HYAL2: variants seen among roughly 807,000 people sequenced by gnomAD.
HYAL2 encodes hyaluronidase 2.
HYAL2 carries 30 observed loss-of-function variants against 35.4 expected under a neutral mutation model. The ratio of observed to expected loss-of-function variants is 0.85; its 90% CI spans 0.63 to 1.15. HYAL2 has a LOEUF of 1.15. Among genes scored for constraint, HYAL2 ranks in the 50% most tolerant of loss-of-function variants. The pLI, the probability that HYAL2 is intolerant of heterozygous loss-of-function variation, is 0.00. For missense variants in HYAL2, 635 were observed against 646.5 expected, an observed-to-expected ratio of 0.98 and a Z score of 0.19; for synonymous variants, 262 against 252.8, an observed-to-expected ratio of 1.04 and a Z score of -0.34.
At chr3:50,321,928 T>C (rs1477358378) in intron 1 of HYAL2, 1 of 152,032 alleles carries the variant, frequency 6.6e-6, no homozygotes, top group Non-Finnish European at 1.5e-5. Flanking sequence ...CCCCCTAACG[T>C]AGACGCCAGC....
At position 50,319,697 on chromosome 3, in the gene HYAL2, G is replaced by A. The variant is rs1553716188; in HGVS notation, c.793C>T (p.Arg265Cys). The A allele has an allele frequency of 8.7e-6, 14 of 1,613,904 alleles. No homozygotes were observed. Among genetic ancestry groups the A allele is most frequent in the African/African-American group, 1.3e-5 (1 of 75,040 alleles). Reference sequence around the variant, plus strand: ...TGAACACGGAAGCTCACAAAGTTGCGGCCATGGCGGGAGGAAGCAAGTGTC... The same window carrying A: ...TGAACACGGAAGCTCACAAAGTTGCAGCCATGGCGGGAGGAAGCAAGTGTC... Reference protein sequence around the residue: ...DETLASSRHGRNFVSFRVQEA... With the variant: ...DETLASSRHGCNFVSFRVQEA... Residue 265 changes from arginine to cysteine, a missense_variant, in exon 2 of 4, where the codon CGC becomes TGC. Arg to Cys is a radical substitution (Grantham distance 180). Coordinates refer to ENST00000357750, the MANE Select transcript of HYAL2 (RefSeq NM_003773.5).
intron 2 of HYAL2, 58 bp downstream of exon 2, chr3:50,319,511 A>C: frequency 6.7e-7 from 1 of 1,482,258 alleles, no homozygotes; most frequent in Non-Finnish European, 9.1e-7. Context: ...CTGATAACCC[A>C]AATGTGCAGT....
In HYAL2 at chr3:50,319,448, T is replaced by C. The variant is rs141435914; in HGVS notation, c.921+121A>G. On this transcript the variant is annotated intron_variant, in intron 2 of 3. Coordinates refer to ENST00000357750, the MANE Select transcript of HYAL2 (RefSeq NM_003773.5). Reference sequence around the variant, plus strand: ...CCTTTCAGGTTATAGACAGAATGATTTGAGGGGATGTGGAGCAGCCAATAA... The same window carrying C: ...CCTTTCAGGTTATAGACAGAATGATCTGAGGGGATGTGGAGCAGCCAATAA... 1,329 of 821,108 alleles carry C rather than the reference T, an allele frequency of 1.6e-3. 11 individuals carry two copies. The African/African-American group carries it at 0.018, about 11-fold the overall frequency. 50.9% of individuals were successfully genotyped at this position (821,108 alleles called of 1,614,324 possible).
chr3:50,319,628 G>A lies in HYAL2; in HGVS notation c.862C>T (p.Leu288Phe), dbSNP rs2109324160. ...GGTCGTGTGAAGACGTAGACTGGGA[G>A]TGCATGGTTGGCATGGTGGGTGCGA... The part of the protein sequence containing the change: ...VARTHHANHA[L>F]PVYVFTRPTY... The change falls in exon 2 of 4, where the codon CTC (leucine) becomes TTC (phenylalanine). Residue 288 changes from leucine (L) to phenylalanine (F), a missense_variant. Coordinates refer to ENST00000357750, the MANE Select transcript of HYAL2 (RefSeq NM_003773.5). The A allele has an allele frequency of 4.3e-6, 7 of 1,613,830 alleles. No individual in the cohort carries two copies. The highest frequency in any genetic ancestry group is 5.9e-6 in the Non-Finnish European group (7 of 1,180,016).
rs1385941820 is a variant in HYAL2, at chr3:50,319,953, A to G, written c.537T>C (p.Phe179=). Residue 179 remains phenylalanine (F), a synonymous_variant, in exon 2 of 4, where the codon TTT becomes TTC. Transcript: ENST00000357750. ...DRIVKQAQYE[F]EFAAQQFMLE... ...GCATGAACTGCTGTGCTGCGAACTC[A>G]AACTCATATTGTGCCTGTTTGACTA... 5 of 1,613,474 alleles carry G rather than the reference A, an allele frequency of 3.1e-6. No homozygotes were observed. Among genetic ancestry groups the G allele is most frequent in the African/African-American group, 2.7e-5 (2 of 74,942 alleles).
intron 1 of HYAL2, chr3:50,321,847 C>T (rs1163632517): frequency 6.6e-6 from 1 of 151,814 alleles, no homozygotes; most frequent in Non-Finnish European, 1.5e-5. Context: ...GAGGCGTTGC[C>T]CCGTTCGGCC....
In HYAL2 at chr3:50,317,967, C is replaced by T; in HGVS notation, c.*162G>A. On this transcript the variant is annotated 3_prime_UTR_variant, in exon 4 of 4. Transcript: ENST00000357750. ...GGGCCTCCCAGGGACTTCCCCTCCC[C>T]CTTAGAACAGGGGGGTGCGAGCTGG... 2 of 712,798 alleles carry T rather than the reference C, an allele frequency of 2.8e-6. No homozygotes were observed. The highest frequency in any genetic ancestry group is 4.6e-6 in the Non-Finnish European group (2 of 435,926). The allele number at this position is 712,798 out of a possible 1,614,324, so 44.2% of individuals were successfully genotyped here. A position where few individuals can be genotyped will look rare whatever the true frequency, so the allele number is the denominator to read the frequency against.
chr3:50,319,322 T>C (rs1312290831), intron 2 of HYAL2, among the ~76,000 whole-genome samples: 1 of 152,200 alleles, frequency 6.6e-6, no homozygotes, highest in African/African-American at 2.4e-5. Flanking sequence ...TGGGCCCCAG[T>C]CCCAGCTCTG....
At chr3:50,319,224 AC>A (rs1218148198) in intron 2 of HYAL2, among the ~76,000 whole-genome samples, 179 bp from the exon 3 acceptor site, 1 of 151,710 alleles carries the variant, frequency 6.6e-6, no homozygotes, top group Non-Finnish European at 1.5e-5. Context: ...GTCCATTTCC[AC>A]CCCACTTTTG....
At position 50,322,077 on chromosome 3, in the gene HYAL2, A is replaced by G. The variant is rs1172570778; in HGVS notation, c.-47+576T>C. The G allele has an allele frequency of 6.6e-6, 1 of 152,142 alleles. No individual in the cohort carries two copies. Among genetic ancestry groups the G allele is most frequent in the African/African-American group, 2.4e-5 (1 of 41,436 alleles). 9.4% of individuals were successfully genotyped at this position (152,142 alleles called of 1,614,324 possible). On this transcript the variant is annotated intron_variant, in intron 1 of 3. Coordinates refer to ENST00000357750, the MANE Select transcript of HYAL2 (RefSeq NM_003773.5). The surrounding 1 kb of genome is among the most constrained non-coding windows in gnomAD (Gnocchi z 5.5). ...CTAAAGGGAGGCCCCGCCCCCTGCC[A>G]GACTGAGGGAAGGGGCCAAGCACCG...
Position 50,318,694 on chromosome 3 carries a change from T to G in HYAL2, c.1012-155A>C. 1.3e-6 allele frequency: 1 copy of G among 793,386 alleles called. No homozygotes were observed. The highest frequency in any genetic ancestry group is 1.7e-5 in the African/African-American group (1 of 57,648). The allele number at this position is 793,386 out of a possible 1,614,324, so 49.1% of individuals were successfully genotyped here. ...ACCTGAGCCACACAGTCCCTGCTCC[T>G]GCTGAGAAGTGGGTGGGGGTACAGA... On this transcript the variant is annotated intron_variant, in intron 3 of 3. Transcript: ENST00000357750. The surrounding 1 kb of genome is among the most constrained non-coding windows in gnomAD (Gnocchi z 4.5).
Position 50,320,496 on chromosome 3 carries a change from G to A in HYAL2, c.-7C>T. ...GGCCTGGGCCTGCCCGCATGCTGGG[G>A]GCTGCAGGAGGTGTCACCTGCCTGG... On this transcript the variant is annotated 5_prime_UTR_variant, in exon 2 of 4. Coordinates refer to ENST00000357750, the MANE Select transcript of HYAL2 (RefSeq NM_003773.5). This position sits in a 1 kb window ranked among gnomAD's most constrained non-coding sequence, Gnocchi z 4.8. 6.6e-7 allele frequency: 1 copy of A among 1,520,570 alleles called. No homozygotes were observed. The highest frequency in any genetic ancestry group is 8.8e-7 in the Non-Finnish European group (1 of 1,137,892). The allele number at this position is 1,520,570 out of a possible 1,614,324, so 94.2% of individuals were successfully genotyped here.
intron 2 of HYAL2, 135 bp from the exon 3 acceptor site, chr3:50,319,180 G>C (rs1702628303): frequency 3.3e-6 from 2 of 608,702 alleles, no homozygotes; most frequent in Non-Finnish European, 5.6e-6. Context: ...CCAGGCAGAG[G>C]CTCATTTGTT....
In HYAL2 at chr3:50,318,918, C is replaced by T. The variant is rs1553715992; in HGVS notation, c.1011+38G>A. 1 of 1,556,454 alleles carries T rather than the reference C, an allele frequency of 6.4e-7. No homozygotes were observed. ...CCAAAGGCCCTAACTCTCTGTCTGTCCCATAGACTGAGCTCTGGCAGGCTG... is the reference window on the plus strand; with the variant it reads ...CCAAAGGCCCTAACTCTCTGTCTGTTCCATAGACTGAGCTCTGGCAGGCTG... On this transcript the variant is annotated intron_variant, in intron 3 of 3. Coordinates refer to ENST00000357750, the MANE Select transcript of HYAL2 (RefSeq NM_003773.5). This position sits in a 1 kb window ranked among gnomAD's most constrained non-coding sequence, Gnocchi z 4.5.
chr3:50,318,109 G>C lies in HYAL2; in HGVS notation c.*20C>G. The C allele has an allele frequency of 6.5e-7, 1 of 1,534,434 alleles. No homozygotes were observed. Among genetic ancestry groups the C allele is most frequent in the South Asian group, 1.3e-5 (1 of 78,606 alleles). On this transcript the variant is annotated 3_prime_UTR_variant, in exon 4 of 4. Transcript: ENST00000357750. The surrounding 1 kb of genome is among the most constrained non-coding windows in gnomAD (Gnocchi z 4.5). ...CCTTGTGGTAGAGGCCAGCTTGCTA[G>C]GCAGCTAGGCAGGAGACCCCTACAA...
At position 50,318,506 on chromosome 3, in the gene HYAL2, G is replaced by T. The variant is rs781882193; in HGVS notation, c.1045C>A (p.Arg349=). 1 of 1,609,362 alleles carries T rather than the reference G, an allele frequency of 6.2e-7. No individual in the cohort carries two copies. The highest frequency in any genetic ancestry group is 8.5e-7 in the Non-Finnish European group (1 of 1,177,054). The change falls in exon 4 of 4, where the codon CGG becomes AGG. Residue 349 remains arginine, a synonymous_variant. Coordinates refer to ENST00000357750, the MANE Select transcript of HYAL2 (RefSeq NM_003773.5). This position sits in a 1 kb window ranked among gnomAD's most constrained non-coding sequence, Gnocchi z 4.5. ...TTGACCACGTAGGGGACCAGCAGCC[G>T]TGTCAGGTAATCTTTGAGGTACTGG... ...TCQYLKDYLT[R]LLVPYVVNVS... is the part of the protein sequence containing the mutation.
At position 50,320,078 on chromosome 3, in the gene HYAL2, G is replaced by T; in HGVS notation, c.412C>A (p.Arg138=). Residue 138 remains arginine (R), a synonymous_variant, in exon 2 of 4, where the codon CGA becomes AGA. Transcript: ENST00000357750. The surrounding 1 kb of genome is among the most constrained non-coding windows in gnomAD (Gnocchi z 4.8). ...GLAVIDWEDW[R]PVWVRNWQDK... is the part of the protein sequence containing the mutation. Reference sequence around the variant, plus strand: ...TGCCAGTTGCGCACCCACACAGGTCGCCAGTCCTCCCAGTCGATGACCGCC... The same window carrying T: ...TGCCAGTTGCGCACCCACACAGGTCTCCAGTCCTCCCAGTCGATGACCGCC... 6.2e-7 allele frequency: 1 copy of T among 1,613,538 alleles called. No individual in the cohort carries two copies. Among genetic ancestry groups the T allele is most frequent in the African/African-American group, 1.3e-5 (1 of 75,046 alleles).
Position 50,318,966 on chromosome 3 carries a change from G to A in HYAL2, c.1001C>T (p.Thr334Ile), listed in dbSNP as rs1463536741. The A allele has an allele frequency of 1.9e-6, 3 of 1,613,428 alleles. No homozygotes were observed. Among genetic ancestry groups the A allele is most frequent in the Non-Finnish European group, 2.5e-6 (3 of 1,179,736 alleles). ...CTGGGTCTCGCTTACCGTGCTTGTG[G>A]TGTACCCCGCGTCACCCCAGAGGAT... is the stretch of plus-strand genomic sequence containing the variant. ...GVILWGDAGY[T>I]TSTETCQYLK... Residue 334 changes from threonine to isoleucine, a missense_variant, in exon 3 of 4, where the codon ACC becomes ATC. By Grantham distance (89) the Thr-to-Ile change is moderately conservative (BLOSUM62 -1). Transcript: ENST00000357750. The surrounding 1 kb of genome is among the most constrained non-coding windows in gnomAD (Gnocchi z 4.5).
Position 50,319,997 on chromosome 3 carries a change from CAGG to C in HYAL2, c.490_492del (p.Pro164del). 6.2e-7 allele frequency: 1 copy of C among 1,613,374 alleles called. No homozygotes were observed. The highest frequency in any genetic ancestry group is 1.7e-5 in the Admixed American group (1 of 60,032). On this transcript the variant is annotated inframe_deletion, in exon 2 of 4. Coordinates refer to ENST00000357750, the MANE Select transcript of HYAL2 (RefSeq NM_003773.5). ...TTGACTATGCGGTCTGGAGGCCAGT[CAGG>C]GTGACGACTGGCCACTAGCTGGCGT...
Sources: allele counts gnomAD v4.1 joint callset (sites outside exome capture counted in the v4.1 genomes callset), GRCh38; gene constraint gnomAD v4.1.1; non-coding constraint Gnocchi (gnomAD v3.1); transcripts MANE v1.5; gene names NCBI Gene and HGNC (gene_info 2026-07-23, HGNC 2026-07-21).